Variants in NDST3 observed in about 807,000 individuals in gnomAD.
NDST3 encodes N-deacetylase and N-sulfotransferase 3.
Under a neutral mutation model 96.1 loss-of-function variants are expected in NDST3, and 58 were observed. That is an observed-to-expected ratio of 0.60 (90% CI 0.49 to 0.75). NDST3 has a LOEUF of 0.75. Among genes scored for constraint, NDST3 ranks in the 30% least tolerant of loss-of-function variants. NDST3 has a pLI of 0.00. For synonymous variants in NDST3, 333 were observed against 359.7 expected, an observed-to-expected ratio of 0.93 and a Z score of 0.84; for missense variants, 788 against 1,034.2, an observed-to-expected ratio of 0.76 and a Z score of 3.27.
At position 118,224,623 on chromosome 4, in the gene NDST3, G is replaced by A; in HGVS notation, c.1672G>A (p.Ala558Thr). 1 of 1,610,660 alleles carries A rather than the reference G, an allele frequency of 6.2e-7. No homozygotes were observed. Among genetic ancestry groups the A allele is most frequent in the South Asian group, 1.1e-5 (1 of 89,894 alleles). The change falls in exon 7 of 14, where the codon GCC becomes ACC. Residue 558 changes from alanine to threonine, a missense_variant. Physicochemically the swap from Ala to Thr is moderately conservative, Grantham distance 58 (BLOSUM62 0). This residue lies in a region of NDST3 where 490 missense variants were observed against 708.8 expected (regional missense o/e 0.69). Transcript: ENST00000296499. ...RLQTLPPVQLAHKYFELFPDQ... is the reference protein window; with the variant it reads ...RLQTLPPVQLTHKYFELFPDQ... The stretch of plus-strand genomic sequence containing the variant: ...TCAGACTCTGCCTCCAGTACAACTG[G>A]CCCACAAGTATTTTGAGCTGTTTCC...
chr4:118,143,887 T>C (rs553970811), intron 6 of NDST3, among the ~76,000 whole-genome samples: 1 of 152,312 alleles, frequency 6.6e-6, no homozygotes, highest in South Asian at 2.1e-4. Context: ...GAGGAACTCA[T>C]GGCAGAACCA....
At chr4:118,233,424 G>A (rs1316496786) in intron 9 of NDST3, among the ~76,000 whole-genome samples, 1 of 151,984 alleles carries the variant, frequency 6.6e-6, no homozygotes, top group African/African-American at 2.4e-5. Flanking sequence ...ATAATATTCA[G>A]AAATTTAATT....
chr4:118,180,165 C>G (rs1736520475), intron 6 of NDST3, among the ~76,000 whole-genome samples: 1 of 151,862 alleles, frequency 6.6e-6, no homozygotes, highest in African/African-American at 2.4e-5. Context: ...AGTGTATTTC[C>G]TGATGCTGAA....
At chr4:118,063,495 G>A (rs1726065981) in intron 2 of NDST3, among the ~76,000 whole-genome samples, 1 of 152,040 alleles carries the variant, frequency 6.6e-6, no homozygotes, top group Admixed American at 6.6e-5. Flanking sequence ...GCCAGTTACT[G>A]GATTATGTCC....
chr4:118,194,116 T>A, intron 6 of NDST3: 1 of 1,218,316 alleles, frequency 8.2e-7, no homozygotes, highest in Admixed American at 1.7e-5. Context: ...CATAGCTGGG[T>A]TTGAGGTACA....
intron 2 of NDST3, among the ~76,000 whole-genome samples, chr4:118,071,186 G>A (rs1025270373): frequency 2.6e-5 from 4 of 152,006 alleles, no homozygotes; most frequent in African/African-American, 4.8e-5. Flanking sequence ...ATAAACATAC[G>A]TGTGCATGTG....
At chr4:118,218,762 G>A (rs1017605042) in intron 6 of NDST3, among the ~76,000 whole-genome samples, 2 of 152,130 alleles carry the variant, frequency 1.3e-5, no homozygotes, top group Non-Finnish European at 2.9e-5. Context: ...GTCTCTGTTT[G>A]TAGATGGCAT....
chr4:118,254,857 T>G (rs192015506), intron 13 of NDST3, among the ~76,000 whole-genome samples: 139 of 152,248 alleles, frequency 9.1e-4, no homozygotes, highest in African/African-American at 3.3e-3. Flanking sequence ...CTCAATAAAC[T>G]CATAATTAAA....
At position 118,187,185 on chromosome 4, in the gene NDST3, G is replaced by A. The variant is rs114276311; in HGVS notation, c.1540-37306G>A. On this transcript the variant is annotated intron_variant, in intron 6 of 13. Coordinates refer to ENST00000296499, the MANE Select transcript of NDST3 (RefSeq NM_004784.3). ...CAATGTATTCCTTCACGTACAACTAGAAGTACCAGCAACTATACAGATACT... is the reference window on the plus strand; with the variant it reads ...CAATGTATTCCTTCACGTACAACTAAAAGTACCAGCAACTATACAGATACT... 1.8e-3 allele frequency among the ~76,000 whole-genome samples: 269 copies of A among 152,288 alleles called. 1 individual carries two copies. The highest frequency in any genetic ancestry group is 3.3e-3 in the Non-Finnish European group (223 of 68,034).
intron 12 of NDST3, among the ~76,000 whole-genome samples, chr4:118,251,109 T>C (rs1357517350): frequency 1.4e-5 from 2 of 143,226 alleles, no homozygotes; most frequent in African/African-American, 5.0e-5. Context: ...TATTTATTTA[T>C]TTATTTATTA....
intron 12 of NDST3, among the ~76,000 whole-genome samples, chr4:118,252,899 A>G (rs1206135178): frequency 6.6e-6 from 1 of 152,190 alleles, no homozygotes; most frequent in Non-Finnish European, 1.5e-5. Context: ...CTCAAAAAAG[A>G]GAAAGAAAAA....
At chr4:118,227,802 C>T (rs1486392710) in intron 8 of NDST3, among the ~76,000 whole-genome samples, 1 of 151,796 alleles carries the variant, frequency 6.6e-6, no homozygotes, top group African/African-American at 2.4e-5. Context: ...TTAGTAGAGA[C>T]AGGGTTTCAC....
chr4:118,188,328 T>C (rs13120016), intron 6 of NDST3, among the ~76,000 whole-genome samples: 1 of 148,158 alleles, frequency 6.7e-6, no homozygotes, highest in South Asian at 2.1e-4. Flanking sequence ...TATTAATAAT[T>C]TATATATTAA....
intron 6 of NDST3, among the ~76,000 whole-genome samples, chr4:118,151,179 C>T (rs1734367619): frequency 6.6e-6 from 1 of 151,938 alleles, no homozygotes; most frequent in African/African-American, 2.4e-5. Flanking sequence ...TAGGTGGGAA[C>T]TGAACAATGA....
At chr4:118,111,352 T>A (rs759031180) in intron 3 of NDST3, among the ~76,000 whole-genome samples, 7 of 152,072 alleles carry the variant, frequency 4.6e-5, no homozygotes, top group Non-Finnish European at 8.8e-5. Flanking sequence ...ACAATCTGCA[T>A]CTTCCCAGAA....
intron 5 of NDST3, among the ~76,000 whole-genome samples, chr4:118,139,972 C>T (rs775483066): frequency 6.6e-6 from 1 of 152,170 alleles, no homozygotes. Flanking sequence ...CAGTGCCAAC[C>T]TTTTAATCTT....
At chr4:118,142,070 A>G (rs184744667) in intron 5 of NDST3, among the ~76,000 whole-genome samples, 85 of 152,240 alleles carry the variant, frequency 5.6e-4, no homozygotes, top group Middle Eastern at 3.4e-3. Flanking sequence ...TACATTTATA[A>G]TAGTTGTTAG....
chr4:118,158,176 A>C (rs917453606), intron 6 of NDST3, among the ~76,000 whole-genome samples: 1 of 152,218 alleles, frequency 6.6e-6, no homozygotes, highest in Non-Finnish European at 1.5e-5. Flanking sequence ...AGAATCAATG[A>C]CACTTAGTAG....
At chr4:118,237,337 A>G (rs1460681731) in intron 10 of NDST3, 117 bp downstream of exon 10, 2 of 788,642 alleles carry the variant, frequency 2.5e-6, no homozygotes, top group Non-Finnish European at 3.5e-6. Context: ...TAGTTGTTTG[A>G]TATCTACAGA....
Sources: gnomAD v4.1 joint callset for allele counts (sites outside exome capture counted in the v4.1 genomes callset) on GRCh38, gnomAD v4.1.1 for gene constraint, gnomAD v4.1.1 regional missense constraint, MANE v1.5 for transcripts, NCBI Gene and HGNC (gene_info 2026-07-23, HGNC 2026-07-21) for gene names.